RNGTT: variants seen among roughly 807,000 people sequenced by gnomAD.
RNGTT encodes the protein mRNA-capping enzyme.
Under a neutral mutation model 79.3 loss-of-function variants are expected in RNGTT, and 33 were observed. That is an observed-to-expected ratio of 0.42 (90% CI 0.32 to 0.56). The LOEUF is 0.56. Among genes scored for constraint, RNGTT ranks in the 20% least tolerant of loss-of-function variants. The pLI is 0.17. For missense variants in RNGTT, 497 were observed against 739.1 expected, an observed-to-expected ratio of 0.67 and a Z score of 3.80; for synonymous variants, 222 against 235.9, an observed-to-expected ratio of 0.94 and a Z score of 0.54.
chr6:88,626,354 C>T (rs755078769), intron 14 of RNGTT, among the ~76,000 whole-genome samples: 44 of 151,844 alleles, frequency 2.9e-4, no homozygotes, highest in Non-Finnish European at 5.3e-4. Context: ...AATCTAGGCT[C>T]TAGGGTGAGA....
At chr6:88,958,703 A>G (rs1159672450) in intron 1 of RNGTT, among the ~76,000 whole-genome samples, 1 of 152,200 alleles carries the variant, frequency 6.6e-6, no homozygotes, top group Non-Finnish European at 1.5e-5. Context: ...AAAATATCAA[A>G]AAATATTAGA....
chr6:88,924,106 G>A (rs1324466492), intron 4 of RNGTT, among the ~76,000 whole-genome samples: 1 of 152,234 alleles, frequency 6.6e-6, no homozygotes, highest in Non-Finnish European at 1.5e-5. Flanking sequence ...TTCGCATGAG[G>A]AGGTGACAAG....
At chr6:88,691,796 A>G (rs1291401747) in intron 13 of RNGTT, among the ~76,000 whole-genome samples, 1 of 152,174 alleles carries the variant, frequency 6.6e-6, no homozygotes, top group East Asian at 1.9e-4. Context: ...CAAAGAAAAA[A>G]CCAACATAAG....
At chr6:88,639,251 G>C (rs927320194) in intron 14 of RNGTT, among the ~76,000 whole-genome samples, 5 of 151,998 alleles carry the variant, frequency 3.3e-5, no homozygotes, top group Non-Finnish European at 7.4e-5. Context: ...TTTAAAGTAA[G>C]TAACCCTTTT....
chr6:88,811,608 T>G lies in RNGTT; in HGVS notation c.1270-9976A>C, dbSNP rs559245516. On this transcript the variant is annotated intron_variant, in intron 11 of 15. Coordinates refer to ENST00000369485, the MANE Select transcript of RNGTT (RefSeq NM_003800.5). The stretch of plus-strand genomic sequence containing the variant: ...AAGTTACAAAGCATAGAAAGGAGCC[T>G]TTTAAAAATAATAAGCAAAATGACA... Among the ~76,000 whole-genome samples the G allele has an allele frequency of 9.9e-5, 15 of 152,268 alleles. No individual in the cohort carries two copies. The South Asian group carries it at 3.1e-3, about 32-fold the overall frequency.
chr6:88,720,945 CTTTGGATGGTAT>C (rs1776689614), intron 13 of RNGTT, among the ~76,000 whole-genome samples: 1 of 151,980 alleles, frequency 6.6e-6, no homozygotes. Context: ...TTAGTTCAAA[CTTTGGATGGTAT>C]TTTAAAAAAT....
At chr6:88,856,956 T>C (rs1321827023) in intron 8 of RNGTT, among the ~76,000 whole-genome samples, 1 of 152,156 alleles carries the variant, frequency 6.6e-6, no homozygotes, top group Non-Finnish European at 1.5e-5. Context: ...TCAATAGGTA[T>C]TTGTATTATA....
In RNGTT at chr6:88,906,441, C is replaced by A; in HGVS notation, c.368-1G>T. 1 of 1,575,644 alleles carries A rather than the reference C, an allele frequency of 6.3e-7. No individual in the cohort carries two copies. The highest frequency in any genetic ancestry group is 2.0e-5 in the Admixed American group (1 of 51,068). ...TTGAAGCCATGAGTACAATGAACAC[C>A]TAGAAAATAAAGTAGCTTTGGTTAA... On this transcript the variant is annotated splice_acceptor_variant, in intron 4 of 15. Coordinates refer to ENST00000369485, the MANE Select transcript of RNGTT (RefSeq NM_003800.5). LOFTEE classifies it high-confidence loss of function.
intron 11 of RNGTT, among the ~76,000 whole-genome samples, chr6:88,813,842 T>C (rs1430501837): frequency 1.3e-5 from 2 of 152,206 alleles, no homozygotes; most frequent in African/African-American, 4.8e-5. Context: ...TTCCCATCTG[T>C]CTGACTACTA....
rs1295485105 is a variant in RNGTT at position 88,637,131 on chromosome 6, G to GTTTGCTTTCCTGTTA, written c.1507-22751_1507-22737dup. Among the ~76,000 whole-genome samples, 11 of 152,126 alleles carry GTTTGCTTTCCTGTTA rather than the reference G, an allele frequency of 7.2e-5. No homozygotes were observed. The East Asian group carries it at 2.1e-3, about 29-fold the overall frequency. ...GACATGGGGGGTCTCAACTTGGTTA[G>GTTTGCTTTCCTGTTA]TTTGCTTTCCTGTTATTTCCTGGAG... On this transcript the variant is annotated intron_variant, in intron 14 of 15. Coordinates refer to ENST00000369485, the MANE Select transcript of RNGTT (RefSeq NM_003800.5).
chr6:88,783,528 C>T (rs1001097480), intron 12 of RNGTT, among the ~76,000 whole-genome samples: 1 of 152,004 alleles, frequency 6.6e-6, no homozygotes, highest in Non-Finnish European at 1.5e-5. Context: ...TAAATACATA[C>T]AATTTCTATA....
intron 8 of RNGTT, among the ~76,000 whole-genome samples, chr6:88,856,412 TATTTTAC>T (rs1472576873): frequency 5.4e-5 from 8 of 147,402 alleles, no homozygotes; most frequent in Middle Eastern, 3.4e-3. Context: ...AAGATGTATT[TATTTTAC>T]ACACACACAC....
At chr6:88,826,656 G>A (rs1562272271) in intron 11 of RNGTT, among the ~76,000 whole-genome samples, 2 of 151,520 alleles carry the variant, frequency 1.3e-5, no homozygotes, top group Admixed American at 6.6e-5. Context: ...GGTGGCACAT[G>A]CCTGTAATCT....
At chr6:88,893,052 A>T (rs1195357906) in intron 6 of RNGTT, among the ~76,000 whole-genome samples, 1 of 152,042 alleles carries the variant, frequency 6.6e-6, no homozygotes, top group African/African-American at 2.4e-5. Context: ...CTATTATACC[A>T]TTATTTCTCT....
At chr6:88,620,518 T>C (rs868545399) in intron 14 of RNGTT, among the ~76,000 whole-genome samples, 19 of 152,346 alleles carry the variant, frequency 1.2e-4, no homozygotes, top group Middle Eastern at 3.4e-3. Context: ...ACTTTCAACA[T>C]ATGCATGTTT....
chr6:88,684,309 G>C (rs1775198127), intron 13 of RNGTT, among the ~76,000 whole-genome samples: 2 of 152,110 alleles, frequency 1.3e-5, no homozygotes, highest in African/African-American at 4.8e-5. Flanking sequence ...TAGCCCCTTT[G>C]GAAGACAGTT....
chr6:88,887,258 A>G (rs867433718), intron 8 of RNGTT, among the ~76,000 whole-genome samples: 16 of 152,296 alleles, frequency 1.1e-4, no homozygotes, highest in Admixed American at 3.3e-4. Context: ...AGGATAATAA[A>G]AAGAAATCCT....
At position 88,963,506 on chromosome 6, in the gene RNGTT, C is replaced by G. The variant is rs1031928562; in HGVS notation, c.-97G>C. The G allele has an allele frequency of 2.5e-6, 3 of 1,183,682 alleles. No homozygotes were observed. Among genetic ancestry groups the G allele is most frequent in the Non-Finnish European group, 3.4e-6 (3 of 870,044 alleles). The allele number at this position is 1,183,682 out of a possible 1,614,324, so 73.3% of individuals were successfully genotyped here. A position where few individuals can be genotyped will look rare whatever the true frequency, so the allele number is the denominator to read the frequency against. ...CCGGTGCACACCGGGGTCCGAGACA[C>G]CCGAATCGCAGCCGTAATCTGAATT... is the stretch of plus-strand genomic sequence containing the variant. On this transcript the variant is annotated 5_prime_UTR_variant, in exon 1 of 16. Coordinates refer to ENST00000369485, the MANE Select transcript of RNGTT (RefSeq NM_003800.5).
chr6:88,802,344 A>AT (rs1779818662), intron 11 of RNGTT, among the ~76,000 whole-genome samples: 1 of 152,190 alleles, frequency 6.6e-6, no homozygotes, highest in Non-Finnish European at 1.5e-5. Flanking sequence ...GAAAAATACA[A>AT]CTAACAGTTT....
Sources: gnomAD v4.1 joint callset for allele counts (sites outside exome capture counted in the v4.1 genomes callset) on GRCh38, gnomAD v4.1.1 for gene constraint, MANE v1.5 for transcripts, NCBI Gene and HGNC (gene_info 2026-07-23, HGNC 2026-07-21) for gene names.